Variants in PDE1C observed in about 807,000 individuals in gnomAD.
PDE1C encodes phosphodiesterase 1C.
Under a neutral mutation model 93.1 loss-of-function variants are expected in PDE1C, and 62 were observed. That is an observed-to-expected ratio of 0.67 (90% confidence interval 0.54 to 0.82). The LOEUF (loss-of-function observed/expected upper bound fraction) is 0.82. Among genes scored for constraint, PDE1C ranks in the 40% least tolerant of loss-of-function variants. The pLI is 0.00. For synonymous variants in PDE1C, 325 were observed against 310.1 expected (o/e 1.05, Z -0.50); for missense variants, 742 against 884.6 (o/e 0.84, Z 2.04).
intron 16 of PDE1C, among the ~76,000 whole-genome samples, chr7:31,802,951 T>A (rs914672972): frequency 1.3e-5 from 2 of 151,688 alleles, no homozygotes; most frequent in Admixed American, 1.3e-4. Context: ...GATTTATAGT[T>A]TTCATCATCT....
intron 8 of PDE1C, among the ~76,000 whole-genome samples, chr7:31,850,134 G>A (rs967763057): frequency 3.3e-5 from 5 of 151,996 alleles, no homozygotes; most frequent in African/African-American, 9.7e-5. Flanking sequence ...ACTTACTCCC[G>A]GGGCCCTGTG....
rs189009838 is a variant in PDE1C, at chr7:32,228,240, C to T, written c.86-18701G>A. 5.2e-3 allele frequency among the ~76,000 whole-genome samples: 794 copies of T among 152,226 alleles called. 56 individuals carry two copies. In the South Asian group the frequency reaches 0.13, roughly 26 times the overall value. On this transcript the variant is annotated intron_variant, in intron 1 of 18. Coordinates refer to the PDE1C transcript ENST00000396193. ...ATTTCACCAGGCCCAGAGACACATG[C>T]GTTGTGTTTCTTACAGAGGTAATGA...
chr7:31,922,958 T>C (rs893225601), intron 2 of PDE1C, among the ~76,000 whole-genome samples: 1 of 152,192 alleles, frequency 6.6e-6, no homozygotes, highest in African/African-American at 2.4e-5. Context: ...TTTCTGCGTC[T>C]CTCTATATAA....
chr7:32,132,880 G>A (rs1334841837), intron 3 of PDE1C, among the ~76,000 whole-genome samples: 1 of 152,128 alleles, frequency 6.6e-6, no homozygotes, highest in Admixed American at 6.5e-5. Flanking sequence ...TATTAGACTA[G>A]ATGTGGGATT....
At chr7:32,171,046 G>A (rs752943109) in intron 2 of PDE1C, among the ~76,000 whole-genome samples, 4 of 152,016 alleles carry the variant, frequency 2.6e-5, no homozygotes, top group Non-Finnish European at 5.9e-5. Context: ...CCACAACAAA[G>A]GTTCCTGCCC....
intron 1 of PDE1C, among the ~76,000 whole-genome samples, chr7:32,255,014 C>G (rs1174837178): frequency 6.6e-6 from 1 of 152,202 alleles, no homozygotes; most frequent in Non-Finnish European, 1.5e-5. Flanking sequence ...TGCAGCCAGC[C>G]TAAGTTAGAT....
chr7:32,170,205 G>A (rs1382311167), intron 2 of PDE1C, among the ~76,000 whole-genome samples: 2 of 152,122 alleles, frequency 1.3e-5, no homozygotes, highest in Non-Finnish European at 2.9e-5. Flanking sequence ...GTGGTGATCA[G>A]CCCAAACTCC....
chr7:32,041,313 C>G (rs1791779699), intron 2 of PDE1C, among the ~76,000 whole-genome samples: 1 of 152,138 alleles, frequency 6.6e-6, no homozygotes, highest in South Asian at 2.1e-4. Flanking sequence ...CTCTGTATTC[C>G]AACCCTATAC....
intron 1 of PDE1C, among the ~76,000 whole-genome samples, chr7:32,333,208 A>G (rs1170469815): frequency 2.0e-5 from 3 of 152,200 alleles, no homozygotes; most frequent in Non-Finnish European, 4.4e-5. Context: ...AGAAATAGCA[A>G]AATCATTGCA....
the PDE1C span, among the ~76,000 whole-genome samples, chr7:31,691,870 G>A: frequency 6.7e-6 from 1 of 149,100 alleles, no homozygotes; most frequent in Non-Finnish European, 1.5e-5. Context: ...CGGGTTCAAA[G>A]GATTCATTTT....
chr7:31,736,602 G>A, the PDE1C span, among the ~76,000 whole-genome samples: 1 of 152,152 alleles, frequency 6.6e-6, no homozygotes, highest in Non-Finnish European at 1.5e-5. Context: ...CATTGCAGTT[G>A]CTTGCTAATG....
intron 1 of PDE1C, among the ~76,000 whole-genome samples, chr7:32,344,362 T>G (rs1220975132): frequency 6.6e-6 from 1 of 152,146 alleles, no homozygotes; most frequent in Non-Finnish European, 1.5e-5. Context: ...AGGCATGAGC[T>G]ACCACGCCCA....
At chr7:32,225,816 TTTGGA>T (rs1807218099) in intron 1 of PDE1C, among the ~76,000 whole-genome samples, 1 of 152,110 alleles carries the variant, frequency 6.6e-6, no homozygotes, top group African/African-American at 2.4e-5. Context: ...TCCCAACACT[TTTGGA>T]GGCTGAGGTG....
chr7:31,663,194 C>T, the PDE1C span, among the ~76,000 whole-genome samples: 3 of 152,256 alleles, frequency 2.0e-5, 1 homozygote, highest in African/African-American at 7.2e-5. Context: ...GCTTTGGATT[C>T]CCTGCATTGT....
At chr7:31,662,886 C>T in the PDE1C span, among the ~76,000 whole-genome samples, 174 of 152,170 alleles carry the variant, frequency 1.1e-3, 2 homozygotes, top group East Asian at 0.024. Flanking sequence ...CATATTTATA[C>T]CAAAACAACC....
chr7:32,252,634 G>A (rs781262369), intron 1 of PDE1C, among the ~76,000 whole-genome samples: 119 of 152,180 alleles, frequency 7.8e-4, no homozygotes, highest in Non-Finnish European at 1.5e-3. Flanking sequence ...TACTGTGGCT[G>A]CAGCACAGAG....
chr7:31,719,779 T>G, the PDE1C span, among the ~76,000 whole-genome samples: 1 of 152,196 alleles, frequency 6.6e-6, no homozygotes, highest in East Asian at 1.9e-4. Context: ...GCCTAAAGCT[T>G]CTACTCCGAA....
Position 31,946,874 on chromosome 7 carries a change from G to A in PDE1C, c.129-66014C>T, listed in dbSNP as rs375614075. Among the ~76,000 whole-genome samples, 16 of 152,208 alleles carry A rather than the reference G, an allele frequency of 1.1e-4. No individual in the cohort carries two copies. The East Asian group carries it at 1.9e-3, about 18-fold the overall frequency. Reference sequence around the variant, plus strand: ...TGTGTGATTTTTTTCCTTGCTATTTGGCATGTCCTATCATTTTCTGTTGAA... The same window carrying A: ...TGTGTGATTTTTTTCCTTGCTATTTAGCATGTCCTATCATTTTCTGTTGAA... On this transcript the variant is annotated intron_variant, in intron 2 of 17. Coordinates refer to ENST00000396191, the MANE Select transcript of PDE1C (RefSeq NM_001191057.4).
intron 2 of PDE1C, among the ~76,000 whole-genome samples, chr7:32,179,673 A>C (rs1415933188): frequency 1.3e-5 from 2 of 152,170 alleles, no homozygotes; most frequent in Non-Finnish European, 2.9e-5. Flanking sequence ...ATGAGATAAG[A>C]AGAATCTAAA....
Sources: gnomAD v4.1 joint callset for allele counts (sites outside exome capture counted in the v4.1 genomes callset) on GRCh38, gnomAD v4.1.1 for gene constraint, MANE v1.5 for transcripts, NCBI Gene and HGNC (gene_info 2026-07-23, HGNC 2026-07-21) for gene names.